Variants in SGCE observed in about 807,000 individuals in gnomAD.
SGCE encodes the protein epsilon-sarcoglycan.
Under a neutral mutation model 57.8 loss-of-function variants are expected in SGCE, and 26 were observed. The ratio of observed to expected loss-of-function variants is 0.45; its 90% CI spans 0.33 to 0.62. The LOEUF (loss-of-function observed/expected upper bound fraction) is 0.62. Among genes scored for constraint, SGCE ranks in the 20% least tolerant of loss-of-function variants. SGCE has a pLI of 0.02. For missense variants in SGCE, 468 were observed against 548.6 expected (o/e 0.85, Z 1.47); for synonymous variants, 183 against 189.5 (o/e 0.97, Z 0.28).
chr7:94,619,983 G>A (rs1287616546), intron 4 of SGCE: 2 of 152,144 alleles, frequency 1.3e-5, no homozygotes, highest in Non-Finnish European at 2.9e-5. Context: ...AATATGAAAA[G>A]GTTGATTATC....
At chr7:94,654,483 T>G (rs1278069440) in intron 1 of SGCE, among the ~76,000 whole-genome samples, 3 of 152,198 alleles carry the variant, frequency 2.0e-5, no homozygotes, top group African/African-American at 7.2e-5. Context: ...AATCCTGGAA[T>G]TATTCTATCT....
intron 4 of SGCE, chr7:94,619,505 A>C (rs562198976): frequency 6.6e-6 from 1 of 152,438 alleles, no homozygotes; most frequent in South Asian, 2.1e-4. Context: ...CATGATTAAC[A>C]TCTTAAAACA....
chr7:94,600,317 T>A (rs1160902938), intron 7 of SGCE: 1 of 278,886 alleles, frequency 3.6e-6, no homozygotes, highest in Non-Finnish European at 6.8e-6. Context: ...AATTACCATG[T>A]CAGTAGATTC....
chr7:94,628,180 G>T (rs745745949), intron 3 of SGCE, 22 bp downstream of exon 3: 1 of 1,573,484 alleles, frequency 6.4e-7, no homozygotes, highest in South Asian at 1.1e-5. Context: ...GTATAGTTTT[G>T]CTCTTTCTAG....
At chr7:94,619,117 T>A (rs1181294597) in intron 4 of SGCE, 161 bp from the exon 5 acceptor site, 2 of 635,504 alleles carry the variant, frequency 3.1e-6, no homozygotes, top group African/African-American at 3.7e-5. Context: ...AGAGGATGTA[T>A]CTAAAAACAT....
rs926138410 is a variant in SGCE, at chr7:94,607,056, T to C, written c.663-3604A>G. 2.0e-5 allele frequency among the ~76,000 whole-genome samples: 3 copies of C among 150,162 alleles called. No individual in the cohort carries two copies. In the East Asian group the frequency reaches 5.8e-4, roughly 29 times the overall value. ...AATTGAAACCTCCCCCTCAGGAAAC[T>C]AGAAAAAGAAGAACAAATGAAATCC... On this transcript the variant is annotated intron_variant, in intron 5 of 10. Transcript: ENST00000648936.
At chr7:94,601,472 A>G (rs1024867059) in intron 6 of SGCE, among the ~76,000 whole-genome samples, 1 of 136,708 alleles carries the variant, frequency 7.3e-6, no homozygotes, top group African/African-American at 2.6e-5. Flanking sequence ...AAAAAAAAAA[A>G]AAAACTACAA....
chr7:94,633,922 C>A (rs1270159649), intron 1 of SGCE, among the ~76,000 whole-genome samples: 1 of 152,148 alleles, frequency 6.6e-6, no homozygotes, highest in Non-Finnish European at 1.5e-5. Context: ...GTCCAGAGAA[C>A]ACTTGCCAGT....
chr7:94,621,426 A>C (rs1802761656), intron 4 of SGCE: 1 of 152,250 alleles, frequency 6.6e-6, no homozygotes, highest in African/African-American at 2.4e-5. Context: ...CCCTGCTGCC[A>C]ATTTTCAATC....
At chr7:94,636,962 G>A (rs1805674612) in intron 1 of SGCE, among the ~76,000 whole-genome samples, 1 of 151,760 alleles carries the variant, frequency 6.6e-6, no homozygotes, top group Admixed American at 6.6e-5. Context: ...CTACTCAGGA[G>A]GCAGGAGAAT....
chr7:94,610,486 AC>A (rs556732418), intron 5 of SGCE, among the ~76,000 whole-genome samples: 362 of 152,250 alleles, frequency 2.4e-3, no homozygotes, highest in Non-Finnish European at 4.4e-3. Context: ...TTTTCTATAA[AC>A]CTAAAAATTC....
chr7:94,647,511 C>CT (rs1562899331), intron 1 of SGCE, among the ~76,000 whole-genome samples: 1 of 152,214 alleles, frequency 6.6e-6, no homozygotes, highest in South Asian at 2.1e-4. Flanking sequence ...CTAAAGTGCT[C>CT]TTTTTGAAAT....
At chr7:94,587,566 T>A in intron 10 of SGCE, 1 of 1,330,212 alleles carries the variant, frequency 7.5e-7, no homozygotes, top group Non-Finnish European at 9.5e-7. Flanking sequence ...CATTTATCTT[T>A]TTTCTCTCTT....
intron 1 of SGCE, among the ~76,000 whole-genome samples, chr7:94,640,340 A>T (rs1272835923): frequency 3.9e-5 from 6 of 152,214 alleles, no homozygotes; most frequent in Admixed American, 3.3e-4. Flanking sequence ...TTCCTTAAAG[A>T]TACCATGTCC....
intron 10 of SGCE, among the ~76,000 whole-genome samples, chr7:94,586,209 G>T (rs952550029): frequency 2.0e-5 from 3 of 151,892 alleles, no homozygotes; most frequent in Non-Finnish European, 4.4e-5. Flanking sequence ...AAACTGACAT[G>T]TGCATAATGT....
chr7:94,605,027 C>G (rs1799904821), intron 5 of SGCE, among the ~76,000 whole-genome samples: 1 of 151,388 alleles, frequency 6.6e-6, no homozygotes, highest in African/African-American at 2.4e-5. Flanking sequence ...TCCCACAACA[C>G]CTGACCACCA....
At chr7:94,590,083 A>C (rs1463990571) in intron 9 of SGCE, 3 of 152,168 alleles carry the variant, frequency 2.0e-5, no homozygotes, top group African/African-American at 7.2e-5. Flanking sequence ...GAAAGCCACA[A>C]TATATCTCAC....
intron 9 of SGCE, chr7:94,589,990 A>C (rs1223274734): frequency 6.6e-6 from 1 of 152,266 alleles, no homozygotes; most frequent in East Asian, 1.9e-4. Context: ...CACAAATCTG[A>C]TTATGTCATT....
chr7:94,624,041 A>G, intron 3 of SGCE: 1 of 394,252 alleles, frequency 2.5e-6, no homozygotes, highest in Non-Finnish European at 4.5e-6. Context: ...AAGTCAATTC[A>G]GAAACAGCCA....
Sources: gnomAD v4.1 joint callset for allele counts (sites outside exome capture counted in the v4.1 genomes callset) on GRCh38, gnomAD v4.1.1 for gene constraint, MANE v1.5 for transcripts, NCBI Gene and HGNC (gene_info 2026-07-23, HGNC 2026-07-21) for gene names.